Variants in UBR3 observed in about 807,000 individuals in gnomAD.
The protein encoded by UBR3 is E3 ubiquitin-protein ligase UBR3.
In UBR3, 85 loss-of-function variants were observed where a neutral mutation model predicts 243.2. That is an observed-to-expected ratio of 0.35 (90% CI 0.29 to 0.42). The LOEUF (loss-of-function observed/expected upper bound fraction) is 0.42, where lower values mean the gene tolerates loss of function less well. UBR3 is among the 10% of genes least tolerant of loss of function. The probability of loss-of-function intolerance (pLI) is 1.00; values close to 1 mark genes in which losing one functional copy is unlikely to be tolerated. For missense variants in UBR3, 1,686 were observed against 2,300.8 expected (o/e 0.73, Z 5.47); for synonymous variants, 748 against 799.8 (o/e 0.94, Z 1.09).
intron 23 of UBR3, among the ~76,000 whole-genome samples, 158 bp downstream of exon 23, chr2:169,950,223 T>C (rs1457707344): frequency 6.6e-6 from 1 of 152,096 alleles, no homozygotes; most frequent in Non-Finnish European, 1.5e-5. Flanking sequence ...TCAGTGCTTG[T>C]ACATGTGATG....
At chr2:170,051,229 G>A (rs1352131906) in intron 32 of UBR3, among the ~76,000 whole-genome samples, 1 of 151,922 alleles carries the variant, frequency 6.6e-6, no homozygotes, top group Non-Finnish European at 1.5e-5. Flanking sequence ...TTTAAATGAT[G>A]ATAATCAAGA....
intron 1 of UBR3, among the ~76,000 whole-genome samples, chr2:169,833,268 A>G (rs899885285): frequency 5.3e-5 from 8 of 152,224 alleles, no homozygotes; most frequent in Non-Finnish European, 1.2e-4. Context: ...CTGATGGGAT[A>G]CTAACTGGAA....
Position 170,078,518 on chromosome 2 carries a change from C to T in UBR3, c.5200-1296C>T, listed in dbSNP as rs545804300. Among the ~76,000 whole-genome samples, 55 of 152,316 alleles carry T rather than the reference C, an allele frequency of 3.6e-4. 1 individual carries two copies. The highest frequency in any genetic ancestry group is 1.3e-3 in the African/African-American group (53 of 41,566). ...CATATATACTGGTTGCTGTTTAGAG[C>T]ATACACATTCTGTAGGTGATTTCTT... On this transcript the variant is annotated intron_variant, in intron 36 of 38. Transcript: ENST00000272793.
chr2:169,877,690 A>C (rs2083668027), intron 4 of UBR3, 53 bp downstream of exon 4: 1 of 1,476,732 alleles, frequency 6.8e-7, no homozygotes, highest in Admixed American at 3.0e-5. Context: ...ATTAAAACCA[A>C]AAAAACCTCT....
At chr2:169,845,999 T>C (rs2082466844) in intron 1 of UBR3, among the ~76,000 whole-genome samples, 1 of 151,888 alleles carries the variant, frequency 6.6e-6, no homozygotes, top group Non-Finnish European at 1.5e-5. Context: ...TTGGTGAATG[T>C]TCCATGTGCA....
In UBR3 at chr2:169,971,073, T is replaced by C. The variant is rs1274446164; in HGVS notation, c.3634+12547T>C. ...TTTTGATTTGCATTTCTCTGATGGC[T>C]GGTGATGATGAGCATTTTTTCATGT... On this transcript the variant is annotated intron_variant, in intron 24 of 38. Coordinates refer to ENST00000272793, the MANE Select transcript of UBR3 (RefSeq NM_172070.4). 1.7e-4 allele frequency among the ~76,000 whole-genome samples: 25 copies of C among 151,268 alleles called. No individual in the cohort carries two copies. In the South Asian group the frequency reaches 3.8e-3, roughly 23 times the overall value.
intron 1 of UBR3, among the ~76,000 whole-genome samples, chr2:169,831,253 C>T (rs964893845): frequency 2.7e-5 from 4 of 147,340 alleles, no homozygotes; most frequent in Admixed American, 2.0e-4. Flanking sequence ...TGATTCTCTA[C>T]CTCAGCCTTC....
At chr2:169,956,120 G>A (rs2087275385) in intron 23 of UBR3, among the ~76,000 whole-genome samples, 1 of 151,944 alleles carries the variant, frequency 6.6e-6, no homozygotes, top group African/African-American at 2.4e-5. Flanking sequence ...CCCTCTAGGA[G>A]TCATTCTTGT....
intron 1 of UBR3, among the ~76,000 whole-genome samples, chr2:169,866,671 G>A (rs575378844): frequency 6.6e-6 from 1 of 152,280 alleles, no homozygotes; most frequent in Admixed American, 6.5e-5. Flanking sequence ...ACTGGAAGAA[G>A]TTCTTAAATT....
intron 31 of UBR3, among the ~76,000 whole-genome samples, chr2:170,033,722 C>A (rs923238158): frequency 1.3e-5 from 2 of 151,160 alleles, no homozygotes; most frequent in Non-Finnish European, 3.0e-5. Flanking sequence ...AGTTCCTCAC[C>A]TCAACACTCT....
intron 26 of UBR3, among the ~76,000 whole-genome samples, chr2:169,998,980 C>T (rs2089596927): frequency 6.6e-6 from 1 of 152,194 alleles, no homozygotes; most frequent in Admixed American, 6.5e-5. Context: ...GTGTTAGGCA[C>T]TTAGCACAGT....
At chr2:170,061,565 T>C (rs2091457914) in intron 35 of UBR3, 122 bp downstream of exon 35, 6 of 1,218,042 alleles carry the variant, frequency 4.9e-6, no homozygotes, top group Middle Eastern at 2.0e-4. Flanking sequence ...CCTGCCAGGT[T>C]CAAGCAATCC....
Position 170,061,414 on chromosome 2 carries a change from C to G in UBR3, c.4990C>G (p.Leu1664Val). The G allele has an allele frequency of 1.2e-6, 2 of 1,613,960 alleles. No homozygotes were observed. The highest frequency in any genetic ancestry group is 1.7e-6 in the Non-Finnish European group (2 of 1,179,960). Residue 1664 changes from leucine (L) to valine (V), a missense_variant, in exon 35 of 39, where the codon CTT (leucine) becomes GTT (valine). Around this residue, in one of 8 missense-constraint regions of UBR3, gnomAD observed 371 missense variants for 422.5 expected, o/e 0.88. Coordinates refer to ENST00000272793, the MANE Select transcript of UBR3 (RefSeq NM_172070.4). ...LRITSLLQHH[L>V]FGEDLPSCQE... ...AATCACCAGCCTTCTTCAGCACCAC[C>G]TTTTTGGGGAAGATTTACCTAGCTG...
chr2:169,935,873 G>T (rs1174391498), intron 19 of UBR3, among the ~76,000 whole-genome samples: 1 of 152,056 alleles, frequency 6.6e-6, no homozygotes, highest in Non-Finnish European at 1.5e-5. Context: ...TAATCTAGGT[G>T]CCACATATTT....
intron 32 of UBR3, among the ~76,000 whole-genome samples, chr2:170,045,332 G>C (rs767411107): frequency 6.6e-6 from 1 of 151,906 alleles, no homozygotes; most frequent in Non-Finnish European, 1.5e-5. Flanking sequence ...ACACGAGGGA[G>C]TTAAAATTAT....
At chr2:170,012,688 T>C (rs1213232284) in intron 29 of UBR3, among the ~76,000 whole-genome samples, 1 of 150,792 alleles carries the variant, frequency 6.6e-6, no homozygotes, top group Non-Finnish European at 1.5e-5. Context: ...TTTTTTTTTT[T>C]CCCCCTGAGA....
At chr2:170,049,992 A>C (rs776455363) in intron 32 of UBR3, among the ~76,000 whole-genome samples, 1 of 152,172 alleles carries the variant, frequency 6.6e-6, no homozygotes, top group Non-Finnish European at 1.5e-5. Context: ...TATTGTGATC[A>C]CTTCTATATA....
intron 27 of UBR3, among the ~76,000 whole-genome samples, chr2:170,004,395 G>A (rs2089831310): frequency 6.6e-6 from 1 of 152,150 alleles, no homozygotes; most frequent in South Asian, 2.1e-4. Flanking sequence ...ATGTTTGGGA[G>A]ACTACTTAGG....
rs554875567 is a variant in UBR3, at chr2:170,072,009, T to C, written c.5020-1419T>C. Among the ~76,000 whole-genome samples the C allele has an allele frequency of 1.5e-3, 229 of 152,302 alleles. 3 individuals carry two copies. The highest frequency in any genetic ancestry group is 0.01 in the Middle Eastern group (3 of 294). On this transcript the variant is annotated intron_variant, in intron 35 of 38. Coordinates refer to ENST00000272793, the MANE Select transcript of UBR3 (RefSeq NM_172070.4). ...CTAGTTCAACCATTGTGGAAGTCAG[T>C]GTGGCGATTCCTCAGGGATCTAGAG...
Sources: allele counts gnomAD v4.1 joint callset (sites outside exome capture counted in the v4.1 genomes callset), GRCh38; gene constraint gnomAD v4.1.1; regional missense constraint gnomAD v4.1.1; transcripts MANE v1.5; gene names NCBI Gene and HGNC (gene_info 2026-07-23, HGNC 2026-07-21).